CEP128: variants seen among roughly 807,000 people sequenced by gnomAD.
CEP128 encodes centrosomal protein 128, also known as centrosomal protein 128kDa.
CEP128 carries 132 observed loss-of-function variants against 156.7 expected under a neutral mutation model. The observed-to-expected ratio is 0.84, with a 90% confidence interval of 0.73 to 0.97. CEP128 has a LOEUF of 0.97. Among genes scored for constraint, CEP128 ranks in the 50% least tolerant of loss-of-function variants. The pLI, the probability that CEP128 is intolerant of heterozygous loss-of-function variation, is 0.00. For synonymous variants in CEP128, 469 were observed against 448.9 expected (o/e 1.04, Z -0.57); for missense variants, 1,252 against 1,281.9 (o/e 0.98, Z 0.36).
At chr14:80,758,259 C>T (rs149825948) in intron 17 of CEP128, among the ~76,000 whole-genome samples, 4,108 of 152,248 alleles carry the variant, frequency 0.027, 106 homozygotes, top group African/African-American at 0.059. Flanking sequence ...TGGTGGCTCA[C>T]GCCTGTAATC....
At chr14:80,488,698 G>A (rs995335535), downstream of CEP128, among the ~76,000 whole-genome samples, 62 of 151,986 alleles carry the variant, frequency 4.1e-4, no homozygotes, top group African/African-American at 1.1e-3. Flanking sequence ...TGTTTATTGC[G>A]GCACTATTCA....
chr14:80,842,428 GA>G lies in CEP128; in HGVS notation c.763-1661del, dbSNP rs374975008. ...ATGCAATATTCTAGCCTAGAATATT[GA>G]ACCAGTTTTTCTACATTACCTAGTT... On this transcript the variant is annotated intron_variant, in intron 9 of 24. Coordinates refer to ENST00000555265, the MANE Select transcript of CEP128 (RefSeq NM_152446.5). Among the ~76,000 whole-genome samples, 893 of 151,822 alleles carry G rather than the reference GA, an allele frequency of 5.9e-3. 9 individuals carry two copies. The highest frequency in any genetic ancestry group is 0.021 in the African/African-American group (857 of 41,450).
At chr14:80,935,387 C>T (rs981557986) in intron 2 of CEP128, among the ~76,000 whole-genome samples, 1 of 151,744 alleles carries the variant, frequency 6.6e-6, no homozygotes, top group East Asian at 1.9e-4. Flanking sequence ...CCTGCCTCTA[C>T]TAAAACTACA....
intron 8 of CEP128, among the ~76,000 whole-genome samples, chr14:80,889,170 T>A (rs1040439128): frequency 6.6e-6 from 1 of 152,144 alleles, no homozygotes; most frequent in East Asian, 1.9e-4. Flanking sequence ...CTCATGGACA[T>A]GAAGAATCAA....
At chr14:80,900,622 C>A (rs935211587) in intron 6 of CEP128, among the ~76,000 whole-genome samples, 16 of 152,046 alleles carry the variant, frequency 1.1e-4, no homozygotes, top group African/African-American at 3.9e-4. Context: ...ACATGAGAAA[C>A]CAAATGTACA....
At chr14:80,771,975 C>T (rs1447207280) in intron 16 of CEP128, among the ~76,000 whole-genome samples, 1 of 152,140 alleles carries the variant, frequency 6.6e-6, no homozygotes, top group Non-Finnish European at 1.5e-5. Flanking sequence ...GTATTGGGAG[C>T]TGACCTTCTG....
intron 19 of CEP128, among the ~76,000 whole-genome samples, chr14:80,654,179 A>G (rs1895033787): frequency 6.6e-6 from 1 of 152,152 alleles, no homozygotes; most frequent in Non-Finnish European, 1.5e-5. Flanking sequence ...TAGTCTTGCC[A>G]TGACAAACCA....
intron 19 of CEP128, among the ~76,000 whole-genome samples, chr14:80,633,205 G>A (rs1249802868): frequency 1.3e-5 from 2 of 151,272 alleles, no homozygotes; most frequent in African/African-American, 4.9e-5. Flanking sequence ...TCCAATCTGG[G>A]TGCCAGAGTT....
At chr14:80,953,580 G>C (rs1326679496) in intron 2 of CEP128, among the ~76,000 whole-genome samples, 1 of 152,190 alleles carries the variant, frequency 6.6e-6, no homozygotes, top group African/African-American at 2.4e-5. Flanking sequence ...GCGAGACTCC[G>C]TCTCAAACAA....
chr14:80,529,345 A>G (rs1404121467), intron 22 of CEP128, among the ~76,000 whole-genome samples: 1 of 152,220 alleles, frequency 6.6e-6, no homozygotes, highest in Non-Finnish European at 1.5e-5. Flanking sequence ...CTATTTAGGC[A>G]TCTTCATATG....
chr14:80,567,773 G>T (rs574351152), intron 20 of CEP128, among the ~76,000 whole-genome samples: 13 of 152,200 alleles, frequency 8.5e-5, no homozygotes, highest in Admixed American at 3.3e-4. Flanking sequence ...AAGATTATTT[G>T]CAGATAAAAT....
At chr14:80,705,833 A>C (rs140580252) in intron 19 of CEP128, among the ~76,000 whole-genome samples, 179 of 152,262 alleles carry the variant, frequency 1.2e-3, no homozygotes, top group Non-Finnish European at 2.0e-3. Flanking sequence ...GTGAGTCAAT[A>C]AATTCTCAGA....
At chr14:80,894,525 T>G in intron 8 of CEP128, 1 of 427,366 alleles carries the variant, frequency 2.3e-6, no homozygotes, top group Non-Finnish European at 4.6e-6. Flanking sequence ...CCTTGGTACA[T>G]CCGAAAAAAT....
chr14:80,708,245 T>C (rs914814255), intron 19 of CEP128, among the ~76,000 whole-genome samples: 34 of 152,182 alleles, frequency 2.2e-4, no homozygotes, highest in African/African-American at 8.0e-4. Context: ...AAAAGGGGAA[T>C]TGAAGAGTCA....
At chr14:80,486,844 C>G (rs1366570262), downstream of CEP128, among the ~76,000 whole-genome samples, 1 of 152,046 alleles carries the variant, frequency 6.6e-6, no homozygotes. Context: ...TTTGTCACCA[C>G]CAGGCCTGCC....
intron 19 of CEP128, among the ~76,000 whole-genome samples, chr14:80,593,247 A>T (rs553204322): frequency 8.6e-5 from 13 of 152,028 alleles, no homozygotes; most frequent in East Asian, 1.9e-4. Flanking sequence ...TTGTTTATTT[A>T]AAAAAAACCC....
intron 19 of CEP128, among the ~76,000 whole-genome samples, chr14:80,721,717 C>T (rs1897823877): frequency 6.6e-6 from 1 of 152,154 alleles, no homozygotes; most frequent in African/African-American, 2.4e-5. Context: ...ATCAACTCTG[C>T]ATAAATCTGT....
chr14:80,814,363 A>C (rs1405454343), intron 13 of CEP128, among the ~76,000 whole-genome samples: 1 of 152,010 alleles, frequency 6.6e-6, no homozygotes, highest in Non-Finnish European at 1.5e-5. Flanking sequence ...TTGTCCCCTT[A>C]TTATTCAGAG....
intron 19 of CEP128, among the ~76,000 whole-genome samples, chr14:80,681,176 C>T (rs185544402): frequency 7.0e-4 from 106 of 152,028 alleles, no homozygotes; most frequent in African/African-American, 2.5e-3. Context: ...TCCTCTGCAT[C>T]CACACTCCCT....
Sources: allele counts gnomAD v4.1 joint callset (sites outside exome capture counted in the v4.1 genomes callset), GRCh38; gene constraint gnomAD v4.1.1; transcripts MANE v1.5; gene names NCBI Gene and HGNC (gene_info 2026-07-23, HGNC 2026-07-21).